Variants in ASIC2 observed in about 807,000 individuals in gnomAD.
ASIC2 encodes the protein acid sensing ion channel subunit 2.
A neutral mutation model predicts 57.3 loss-of-function variants in ASIC2; 25 were observed. That is an observed-to-expected ratio of 0.44 (90% confidence interval 0.32 to 0.61). The LOEUF is 0.61. Ranked by LOEUF, ASIC2 falls within the 20% of genes least tolerant of loss-of-function variation. The probability of loss-of-function intolerance (pLI) is 0.06; values close to 1 mark genes in which losing one functional copy is unlikely to be tolerated. For synonymous variants in ASIC2, 319 were observed against 307.5 expected (o/e 1.04, Z -0.39); for missense variants, 641 against 738.1 (o/e 0.87, Z 1.52).
intron 1 of ASIC2, among the ~76,000 whole-genome samples, chr17:33,731,244 G>T (rs1909732149): frequency 6.6e-6 from 1 of 152,190 alleles, no homozygotes; most frequent in South Asian, 2.1e-4. Flanking sequence ...TCCTTTGTCA[G>T]GTGTTTTTTG....
intron 1 of ASIC2, among the ~76,000 whole-genome samples, chr17:33,186,664 G>A (rs778205882): frequency 5.3e-5 from 8 of 152,144 alleles, no homozygotes; most frequent in Non-Finnish European, 1.5e-5. Context: ...TGCAAAGGGG[G>A]CGAGAGCCTT....
At chr17:33,808,347 T>A (rs1912326569) in intron 1 of ASIC2, among the ~76,000 whole-genome samples, 1 of 152,212 alleles carries the variant, frequency 6.6e-6, no homozygotes, top group Non-Finnish European at 1.5e-5. Flanking sequence ...TTTACGTGAG[T>A]CCCTTCCTGG....
intron 1 of ASIC2, among the ~76,000 whole-genome samples, chr17:33,143,027 C>T (rs984694430): frequency 2.6e-5 from 4 of 152,098 alleles, no homozygotes; most frequent in African/African-American, 4.8e-5. Flanking sequence ...TGATGAGCTG[C>T]GAGAAGAAAA....
intron 1 of ASIC2, among the ~76,000 whole-genome samples, chr17:33,261,141 C>T (rs977603457): frequency 6.6e-6 from 1 of 152,164 alleles, no homozygotes; most frequent in African/African-American, 2.4e-5. Flanking sequence ...CCTGGTTTGC[C>T]ATCAGTAATT....
intron 1 of ASIC2, among the ~76,000 whole-genome samples, chr17:34,025,899 G>A (rs1907359778): frequency 6.6e-6 from 1 of 152,242 alleles, no homozygotes; most frequent in African/African-American, 2.4e-5. Flanking sequence ...ATAAAATGCT[G>A]ATGCTGTCCT....
chr17:33,988,667 G>A (rs901494170), intron 1 of ASIC2, among the ~76,000 whole-genome samples: 7 of 151,724 alleles, frequency 4.6e-5, no homozygotes, highest in African/African-American at 1.7e-4. Context: ...TATTTTTGTT[G>A]TTGTTGTTTT....
chr17:33,291,976 G>T lies in ASIC2; in HGVS notation c.140C>A (p.Ala47Glu). The change falls in exon 1 of 10, where the codon GCG (alanine) becomes GAG (glutamate). Residue 47 changes from alanine to glutamate, a missense_variant. Coordinates refer to ENST00000225823, the MANE Select transcript of ASIC2 (RefSeq NM_183377.2). ...QPGGGRGGER[A>E]LQGPGVARRG... ...GCGGGCGACCCCTGGCCCCTGCAGC[G>T]CCCGCTCGCCGCCTCTGCCGCCCCC... 2 of 1,317,366 alleles carry T rather than the reference G, an allele frequency of 1.5e-6. No homozygotes were observed. The highest frequency in any genetic ancestry group is 1.9e-6 in the Non-Finnish European group (2 of 1,044,466). 81.6% of individuals were successfully genotyped at this position (1,317,366 alleles called of 1,614,324 possible). A position where few individuals can be genotyped will look rare whatever the true frequency, so the allele number is the denominator to read the frequency against.
chr17:34,052,441 G>A (rs999634507), intron 1 of ASIC2, among the ~76,000 whole-genome samples: 2 of 152,072 alleles, frequency 1.3e-5, no homozygotes, highest in Admixed American at 1.3e-4. Flanking sequence ...CATGGCAAGT[G>A]GGAGTCTACA....
intron 1 of ASIC2, among the ~76,000 whole-genome samples, chr17:33,544,698 C>T (rs1441526861): frequency 1.3e-5 from 2 of 152,000 alleles, no homozygotes; most frequent in African/African-American, 4.8e-5. Context: ...TGACACAATG[C>T]TTTTATATCA....
chr17:33,861,143 C>T (rs982090574), intron 1 of ASIC2, among the ~76,000 whole-genome samples: 4 of 152,122 alleles, frequency 2.6e-5, no homozygotes, highest in African/African-American at 9.7e-5. Flanking sequence ...GTGGGTATTT[C>T]TTACATTAGT....
chr17:33,707,212 A>G (rs940304711), intron 1 of ASIC2, among the ~76,000 whole-genome samples: 2 of 152,110 alleles, frequency 1.3e-5, no homozygotes, highest in African/African-American at 4.8e-5. Context: ...CTGATATTTT[A>G]TAATATTTTA....
At chr17:33,318,402 G>A (rs1479820136) in intron 1 of ASIC2, among the ~76,000 whole-genome samples, 1 of 152,116 alleles carries the variant, frequency 6.6e-6, no homozygotes, top group Non-Finnish European at 1.5e-5. Context: ...ATGAGGATTT[G>A]GTGCCAAAAT....
rs73274551 is a variant in ASIC2 at position 33,930,100 on chromosome 17, T to A, written c.555+225878A>T. Among the ~76,000 whole-genome samples, 865 of 152,284 alleles carry A rather than the reference T, an allele frequency of 5.7e-3. 13 individuals carry two copies. The highest frequency in any genetic ancestry group is 0.02 in the African/African-American group (812 of 41,552). On this transcript the variant is annotated intron_variant, in intron 1 of 9. Transcript: ENST00000359872. ...AAAAGAAAACTTGTGATAATAGAAG[T>A]TTGCAGCAAGTAATAGTAATAGAAG... is the stretch of plus-strand genomic sequence containing the variant.
chr17:33,711,626 C>T (rs969156425), intron 1 of ASIC2, among the ~76,000 whole-genome samples: 11 of 152,094 alleles, frequency 7.2e-5, no homozygotes, highest in Non-Finnish European at 1.3e-4. Flanking sequence ...AATTTACAAT[C>T]GTGGCGGAAG....
intron 1 of ASIC2, among the ~76,000 whole-genome samples, chr17:33,355,842 A>G (rs1328133630): frequency 6.6e-6 from 1 of 152,176 alleles, no homozygotes; most frequent in Non-Finnish European, 1.5e-5. Context: ...TGAACGAGGC[A>G]AAGTTTCTTG....
chr17:33,057,943 G>T (rs967024882), intron 3 of ASIC2, among the ~76,000 whole-genome samples: 3 of 152,208 alleles, frequency 2.0e-5, no homozygotes, highest in African/African-American at 7.2e-5. Flanking sequence ...TCTGGATGAA[G>T]TTGGGTGTGC....
chr17:33,718,616 G>A (rs1909295348), intron 1 of ASIC2, among the ~76,000 whole-genome samples: 1 of 152,278 alleles, frequency 6.6e-6, no homozygotes. Context: ...AAATGTCCTT[G>A]CGAGCAGACA....
At chr17:33,935,897 A>G (rs12938991) in intron 1 of ASIC2, 48,608 of 152,098 alleles carry the variant, frequency 0.32, 7,894 homozygotes, top group Admixed American at 0.38. Flanking sequence ...GTATCAACTC[A>G]AAGTTATCAA....
At chr17:33,691,860 C>T (rs561404234) in intron 1 of ASIC2, among the ~76,000 whole-genome samples, 10 of 152,102 alleles carry the variant, frequency 6.6e-5, no homozygotes, top group Non-Finnish European at 8.8e-5. Flanking sequence ...TCTACAACTA[C>T]GGGTAACTTA....
Sources: gnomAD v4.1 joint callset for allele counts (sites outside exome capture counted in the v4.1 genomes callset) on GRCh38, gnomAD v4.1.1 for gene constraint, MANE v1.5 for transcripts, NCBI Gene and HGNC (gene_info 2026-07-23, HGNC 2026-07-21) for gene names.